Variants in TTN observed in about 807,000 individuals in gnomAD.
TTN encodes the protein titin.
TTN carries 1,525 observed loss-of-function variants against 3,223.0 expected under a neutral mutation model. That is an observed-to-expected ratio of 0.47 (90% CI 0.45 to 0.49). The LOEUF (loss-of-function observed/expected upper bound fraction) is 0.49, where lower values mean the gene tolerates loss of function less well. Among genes scored for constraint, TTN ranks in the 20% least tolerant of loss-of-function variants. The pLI, the probability that TTN is intolerant of heterozygous loss-of-function variation, is 0.00. For missense variants in TTN, 40,786 were observed against 43,424.0 expected (o/e 0.94, Z 5.40); for synonymous variants, 14,094 against 15,161.0 (o/e 0.93, Z 5.17).
Position 178,589,576 on chromosome 2 carries a change from T to C in TTN, c.62149A>G (p.Arg20717Gly), listed in dbSNP as rs75458912. ...TCTTTAATGCTTCCTTTATGCACTCTTTCCCAGTCATCGGAGCCCTTAAGC... is the reference window on the plus strand; with the variant it reads ...TCTTTAATGCTTCCTTTATGCACTCCTTCCCAGTCATCGGAGCCCTTAAGC... ...RRLKGSDDWE[R>G]VHKGSIKETH... is the part of the protein sequence containing the mutation. The change falls in exon 304 of 363, where the codon AGA becomes GGA. Residue 20717 changes from arginine to glycine, a missense_variant. By Grantham distance (125) the Arg-to-Gly change is moderately radical. Transcript: ENST00000589042. 167 of 1,613,438 alleles carry C rather than the reference T, an allele frequency of 1.0e-4. 1 individual carries two copies. In the East Asian group the frequency reaches 3.4e-3, roughly 33 times the overall value.
chr2:178,697,276 C>G (rs941003113), intron 112 of TTN, 108 bp from the exon 113 acceptor site: 4 of 858,488 alleles, frequency 4.7e-6, no homozygotes, highest in Non-Finnish European at 6.8e-6. Flanking sequence ...GCTATGACTA[C>G]TACTCATACA....
rs754727583 is a variant in TTN at position 178,538,927 on chromosome 2, C to T, written c.98989+19G>A. 10 of 1,594,470 alleles carry T rather than the reference C, an allele frequency of 6.3e-6. No homozygotes were observed. In the East Asian group the frequency reaches 1.1e-4, roughly 18 times the overall value. Reference sequence around the variant, plus strand: ...ATGGCTTGCTTCTTTAATTTAACCCCTTCTTCTGAATTCCTTACCAAATGG... The same window carrying T: ...ATGGCTTGCTTCTTTAATTTAACCCTTTCTTCTGAATTCCTTACCAAATGG... On this transcript the variant is annotated intron_variant, in intron 353 of 362. Coordinates refer to ENST00000589042, the MANE Select transcript of TTN (RefSeq NM_001267550.2).
rs1321841969 is a variant in TTN, at chr2:178,583,685, T to G, written c.65497A>C (p.Arg21833=). The G allele has an allele frequency of 6.2e-7, 1 of 1,612,420 alleles. No homozygotes were observed. Among genetic ancestry groups the G allele is most frequent in the African/African-American group, 1.3e-5 (1 of 75,006 alleles). The change falls in exon 312 of 363, where the codon AGA becomes CGA. Residue 21833 remains arginine (R), a synonymous_variant. Transcript: ENST00000589042. ...GLEEKAQYQF[R]AIARTAVNIS... is the part of the protein sequence containing the mutation. ...TTTACCGCGGTCCTGGCAATAGCTCTAAATTGATACTGAGCTTTCTCTTCT... is the reference window on the plus strand; with the variant it reads ...TTTACCGCGGTCCTGGCAATAGCTCGAAATTGATACTGAGCTTTCTCTTCT...
intron 352 of TTN, 34 bp from the exon 353 acceptor site, chr2:178,539,285 G>A (rs370646917): frequency 6.2e-7 from 1 of 1,604,008 alleles, no homozygotes; most frequent in Non-Finnish European, 8.5e-7. Flanking sequence ...ACATGTATTA[G>A]AATACAGTCC....
At chr2:178,692,433 G>A in intron 120 of TTN, 64 bp downstream of exon 120, 1 of 1,390,466 alleles carries the variant, frequency 7.2e-7, no homozygotes, top group Non-Finnish European at 1.0e-6. Context: ...TTAATACACA[G>A]ATCTTATAGA....
In TTN at chr2:178,722,102, G is replaced by T; in HGVS notation, c.22561C>A (p.Pro7521Thr). The T allele has an allele frequency of 6.3e-7, 1 of 1,581,504 alleles. No individual in the cohort carries two copies. Among genetic ancestry groups the T allele is most frequent in the Non-Finnish European group, 8.6e-7 (1 of 1,164,254 alleles). The change falls in exon 78 of 363, where the codon CCT (proline) becomes ACT (threonine). Residue 7521 changes from proline to threonine, a missense_variant. Pro to Thr is a conservative substitution (Grantham distance 38, BLOSUM62 -1). Coordinates refer to ENST00000589042, the MANE Select transcript of TTN (RefSeq NM_001267550.2). ...PKKSPFFDIK[P>T]VSIDVIAGES... ...CCAGCAATAACATCTATAGATACAG[G>T]CTTGATGTCAAAGAAGGGAGATTTC...
chr2:178,621,598 A>G lies in TTN; in HGVS notation c.45226T>C (p.Tyr15076His). Residue 15076 changes from tyrosine (Y) to histidine (H), a missense_variant, in exon 245 of 363, where the codon TAT (tyrosine) becomes CAT (histidine). Transcript: ENST00000589042. ...GDEEIIETGR[Y>H]EILTEGRKRI... ...TTCCGTCCTTCAGTCAGTATTTCAT[A>G]TCTTCCTGTTTCAATGATCTCCTCA... The G allele has an allele frequency of 1.2e-6, 2 of 1,612,476 alleles. No homozygotes were observed. The highest frequency in any genetic ancestry group is 1.7e-6 in the Non-Finnish European group (2 of 1,179,090).
intron 99 of TTN, 65 bp downstream of exon 99, chr2:178,709,501 G>A: frequency 6.7e-7 from 1 of 1,490,906 alleles, no homozygotes; most frequent in Non-Finnish European, 9.0e-7. Flanking sequence ...CATAAGAAAT[G>A]CTCATGGATA....
At chr2:178,698,800 C>G in intron 112 of TTN, 43 bp downstream of exon 112, 1 of 1,518,542 alleles carries the variant, frequency 6.6e-7, no homozygotes, top group South Asian at 1.3e-5. Flanking sequence ...AAGTTTTGGC[C>G]AAGAAAAAAG....
chr2:178,807,365 G>C lies in TTN; in HGVS notation c.-167C>G, dbSNP rs2094356938. On this transcript the variant is annotated 5_prime_UTR_variant, in exon 1 of 363. Transcript: ENST00000589042. ...AAAACTACACAGTCAAGACTGTGTA[G>C]TTTTGCTTTTCTATGCAATCCCTAC... 6.6e-6 allele frequency: 1 copy of C among 152,098 alleles called. No homozygotes were observed. The highest frequency in any genetic ancestry group is 1.5e-5 in the Non-Finnish European group (1 of 68,012). 9.4% of individuals were successfully genotyped at this position (152,098 alleles called of 1,614,324 possible).
intron 87 of TTN, 26 bp from the exon 88 acceptor site, chr2:178,717,408 T>C (rs1321190919): frequency 1.9e-6 from 3 of 1,588,012 alleles, no homozygotes; most frequent in Admixed American, 1.7e-5. Context: ...ACCAACATGG[T>C]GATTTTTATT....
Position 178,600,839 on chromosome 2 carries a change from T to A in TTN, c.56050+15A>T. 6.2e-7 allele frequency: 1 copy of A among 1,612,676 alleles called. No homozygotes were observed. Among genetic ancestry groups the A allele is most frequent in the East Asian group, 2.2e-5 (1 of 44,706 alleles). On this transcript the variant is annotated intron_variant, in intron 288 of 362. Transcript: ENST00000589042. ...CTGTAAGGAGGACATTCTTTGTCAG[T>A]ACATTGGTACTTACATGTCTGGTCT...
Position 178,729,108 on chromosome 2 carries a change from GGTGGCAGAACTTTTCAAAACA to G in TTN, c.18909_18929del (p.Val6304_Thr6310del). ...GAGAACCTGCCACGGTACTCTGAAA[GGTGGCAGAACTTTTCAAAACA>G]GTAGTGGTATTTTCTATCTTCTTAA... On this transcript the variant is annotated inframe_deletion, in exon 65 of 363. Coordinates refer to ENST00000589042, the MANE Select transcript of TTN (RefSeq NM_001267550.2). The G allele has an allele frequency of 6.2e-7, 1 of 1,610,528 alleles. No homozygotes were observed. Among genetic ancestry groups the G allele is most frequent in the Non-Finnish European group, 8.5e-7 (1 of 1,178,478 alleles).
In TTN at chr2:178,563,474, C is replaced by T; in HGVS notation, c.82658G>A (p.Gly27553Glu). ...RVAAENAAGV[G>E]EPSEPSVFYR... ...GAAAACAGATGGCTCACTAGGTTCTCCCACACCAGCTGCATTTTCAGCAGC... is the reference window on the plus strand; with the variant it reads ...GAAAACAGATGGCTCACTAGGTTCTTCCACACCAGCTGCATTTTCAGCAGC... The change falls in exon 326 of 363, where the codon GGA (glycine) becomes GAA (glutamate). Residue 27553 changes from glycine (G) to glutamate (E), a missense_variant. Transcript: ENST00000589042. The surrounding 1 kb of genome is among the most constrained non-coding windows in gnomAD (Gnocchi z 4.5). 6.2e-7 allele frequency: 1 copy of T among 1,613,624 alleles called. No individual in the cohort carries two copies. Among genetic ancestry groups the T allele is most frequent in the Non-Finnish European group, 8.5e-7 (1 of 1,179,738 alleles).
At position 178,776,633 on chromosome 2, in the gene TTN, G is replaced by A. The variant is rs75686037; in HGVS notation, c.5231C>T (p.Pro1744Leu). The A allele has an allele frequency of 2.0e-3, 3,212 of 1,614,036 alleles. 48 individuals carry two copies. In the Admixed American group the frequency reaches 0.028, roughly 14 times the overall value. Residue 1744 changes from proline to leucine, a missense_variant, in exon 28 of 363, where the codon CCA becomes CTA. Transcript: ENST00000589042. ...MVVEWLHDGKPLEAANRLRMI... is the reference protein window; with the variant it reads ...MVVEWLHDGKLLEAANRLRMI... ...ACGGAGCCTGTTGGCTGCTTCAAGT[G>A]GCTTTCCATCATGGAGCCACTCCAC...
chr2:178,618,951 C>G, intron 250 of TTN, 98 bp from the exon 251 acceptor site: 1 of 1,462,262 alleles, frequency 6.8e-7, no homozygotes, highest in East Asian at 2.4e-5. Flanking sequence ...GGTTACATAA[C>G]CTTGGAAGTA....
Position 178,698,916 on chromosome 2 carries a change from TAAAAAAAA to T in TTN, c.30683-10_30683-3del. 7.6e-7 allele frequency: 1 copy of T among 1,313,996 alleles called. No homozygotes were observed. Among genetic ancestry groups the T allele is most frequent in the Non-Finnish European group, 9.8e-7 (1 of 1,020,732 alleles). The allele number at this position is 1,313,996 out of a possible 1,614,324, so 81.4% of individuals were successfully genotyped here. A position where few individuals can be genotyped will look rare whatever the true frequency, so the allele number is the denominator to read the frequency against. On this transcript the variant is annotated splice_polypyrimidine_tract_variant and splice_region_variant and intron_variant, in intron 111 of 362. Transcript: ENST00000589042. ...CTTTCTTCACAGCCTTTTTGGTAACTAAAAAAAAAAAAAAAGAAAAAAAAAGAAAAAAT... is the reference window on the plus strand; with the variant it reads ...CTTTCTTCACAGCCTTTTTGGTAACTAAAAAAAGAAAAAAAAAGAAAAAAT...
Position 178,641,330 on chromosome 2 carries a change from A to C in TTN, c.40559-15T>G, listed in dbSNP as rs1427229292. 10 of 1,402,374 alleles carry C rather than the reference A, an allele frequency of 7.1e-6. No individual in the cohort carries two copies. Among genetic ancestry groups the C allele is most frequent in the South Asian group, 2.7e-5 (2 of 73,676 alleles). The allele number at this position is 1,402,374 out of a possible 1,614,324, so 86.9% of individuals were successfully genotyped here. On this transcript the variant is annotated splice_polypyrimidine_tract_variant and intron_variant, in intron 219 of 362. Coordinates refer to ENST00000589042, the MANE Select transcript of TTN (RefSeq NM_001267550.2). ...TTTTCTTAGAACTTTAAAGACAAAAAGGTTTATATGTAAACCAAGACAAAC... is the reference window on the plus strand; with the variant it reads ...TTTTCTTAGAACTTTAAAGACAAAACGGTTTATATGTAAACCAAGACAAAC...
At chr2:178,751,629 A>G in intron 47 of TTN, 1 of 1,613,348 alleles carries the variant, frequency 6.2e-7, no homozygotes, top group South Asian at 1.1e-5. Flanking sequence ...GATGCAGTTG[A>G]TTCTGCAGAC....
Sources: allele counts gnomAD v4.1 joint callset, GRCh38; gene constraint gnomAD v4.1.1; non-coding constraint Gnocchi (gnomAD v3.1); transcripts MANE v1.5; gene names NCBI Gene and HGNC (gene_info 2026-07-23, HGNC 2026-07-21).